MAML1: variants seen among roughly 807,000 people sequenced by gnomAD.
The protein encoded by MAML1 is mastermind-like protein 1.
A neutral mutation model predicts 77.1 loss-of-function variants in MAML1; 14 were observed. The observed-to-expected ratio is 0.18, with a 90% CI of 0.12 to 0.28. MAML1 has a LOEUF of 0.28. MAML1 is among the 10% of genes least tolerant of loss of function. MAML1 has a pLI of 1.00. For synonymous variants in MAML1, 516 were observed against 551.9 expected (o/e 0.93, Z 0.91); for missense variants, 1,217 against 1,327.8 (o/e 0.92, Z 1.30).
chr5:179,766,371 G>C lies in MAML1; in HGVS notation c.1361G>C (p.Ser454Thr). Residue 454 changes from serine to threonine, a missense_variant, in exon 2 of 5, where the codon AGC (serine) becomes ACC (threonine). This residue lies in a region of MAML1 where 884 missense variants were observed against 949.3 expected (regional missense o/e 0.93). Coordinates refer to ENST00000292599, the MANE Select transcript of MAML1 (RefSeq NM_014757.5). The surrounding 1 kb of genome is among the most constrained non-coding windows in gnomAD (Gnocchi z 4.0). ...ATGGAGAAGCCTGCCAGCCCTTCCAGCTACAAGCAAGACTTCACTAACTCC... is the reference window on the plus strand; with the variant it reads ...ATGGAGAAGCCTGCCAGCCCTTCCACCTACAAGCAAGACTTCACTAACTCC... ...YPMEKPASPS[S>T]YKQDFTNSKL... is the part of the protein sequence containing the mutation. 1 of 1,607,602 alleles carries C rather than the reference G, an allele frequency of 6.2e-7. No homozygotes were observed. Among genetic ancestry groups the C allele is most frequent in the Non-Finnish European group, 8.5e-7 (1 of 1,176,326 alleles).
chr5:179,750,663 G>T (rs1041354218), intron 1 of MAML1, among the ~76,000 whole-genome samples: 38 of 152,252 alleles, frequency 2.5e-4, no homozygotes, highest in African/African-American at 7.5e-4. Flanking sequence ...GTCTTGCCGT[G>T]TTCCCCAGGC....
Position 179,773,923 on chromosome 5 carries a change from C to A in MAML1, c.2097C>A (p.Asn699Lys), listed in dbSNP as rs1453267625. The change falls in exon 5 of 5, where the codon AAC becomes AAA. Residue 699 changes from asparagine to lysine, a missense_variant. Physicochemically the swap from Asn to Lys is moderately conservative, Grantham distance 94 (BLOSUM62 0). Transcript: ENST00000292599. ...CCTCTGCTGCCGTGCCCGGCATGAACACCTTGGGTCCATCCAACTCCAGCT... is the reference window on the plus strand; with the variant it reads ...CCTCTGCTGCCGTGCCCGGCATGAAAACCTTGGGTCCATCCAACTCCAGCT... ...TGSSAAVPGM[N>K]TLGPSNSSCP... is the part of the protein sequence containing the mutation. The A allele has an allele frequency of 6.2e-7, 1 of 1,613,778 alleles. No homozygotes were observed. Among genetic ancestry groups the A allele is most frequent in the Non-Finnish European group, 8.5e-7 (1 of 1,179,660 alleles).
At chr5:179,761,359 G>T (rs566431171) in intron 1 of MAML1, among the ~76,000 whole-genome samples, 5 of 151,972 alleles carry the variant, frequency 3.3e-5, no homozygotes, top group African/African-American at 1.2e-4. Context: ...ATCACCCATT[G>T]TACTCCAGCA....
In MAML1 at chr5:179,742,405, C is replaced by T. The variant is rs191113856; in HGVS notation, c.315+8978C>T. Among the ~76,000 whole-genome samples the T allele has an allele frequency of 3.5e-4, 53 of 151,848 alleles. No homozygotes were observed. In the East Asian group the frequency reaches 8.0e-3, roughly 23 times the overall value. ...TCAGGAGGCTGAGGCAGGGGAATCC[C>T]TAGAACCTGGGCACCGGAGGTTGCA... On this transcript the variant is annotated intron_variant, in intron 1 of 4. Transcript: ENST00000292599.
chr5:179,771,341 C>G lies in MAML1; in HGVS notation c.2068+98C>G. ...GCCCAGCTCTATGCCTTGACTTCAT[C>G]AGGCTGCATGCATTGTCATCATATA... On this transcript the variant is annotated intron_variant, in intron 4 of 4. Coordinates refer to ENST00000292599, the MANE Select transcript of MAML1 (RefSeq NM_014757.5). This position sits in a 1 kb window ranked among gnomAD's most constrained non-coding sequence, Gnocchi z 4.7. 9.8e-7 allele frequency: 1 copy of G among 1,020,224 alleles called. No individual in the cohort carries two copies. Among genetic ancestry groups the G allele is most frequent in the Non-Finnish European group, 1.5e-6 (1 of 654,990 alleles). The allele number at this position is 1,020,224 out of a possible 1,614,324, so 63.2% of individuals were successfully genotyped here. A position where few individuals can be genotyped will look rare whatever the true frequency, so the allele number is the denominator to read the frequency against.
chr5:179,761,695 C>CAAT (rs899705266), intron 1 of MAML1, among the ~76,000 whole-genome samples: 5 of 151,764 alleles, frequency 3.3e-5, no homozygotes, highest in Non-Finnish European at 7.4e-5. Context: ...AACTCCGTCT[C>CAAT]AATAATAATA....
rs1448916610 is a variant in MAML1 at position 179,775,156 on chromosome 5, G to A, written c.*279G>A. ...TCTAAAGGTGGTTTTCTATCCAAAC[G>A]ACCAAAAAACCAACAGTAACACCAG... On this transcript the variant is annotated 3_prime_UTR_variant, in exon 5 of 5. Coordinates refer to ENST00000292599, the MANE Select transcript of MAML1 (RefSeq NM_014757.5). 6 of 1,149,260 alleles carry A rather than the reference G, an allele frequency of 5.2e-6. No individual in the cohort carries two copies. Among genetic ancestry groups the A allele is most frequent in the Admixed American group, 8.8e-5 (2 of 22,758 alleles). 71.2% of individuals were successfully genotyped at this position (1,149,260 alleles called of 1,614,324 possible).
At chr5:179,752,736 T>G (rs1363065048) in intron 1 of MAML1, among the ~76,000 whole-genome samples, 1 of 151,058 alleles carries the variant, frequency 6.6e-6, no homozygotes, top group Admixed American at 6.6e-5. Context: ...CCTCTGGATA[T>G]TACTCTTTAT....
chr5:179,763,909 G>T (rs1300016159), intron 1 of MAML1, among the ~76,000 whole-genome samples: 1 of 151,628 alleles, frequency 6.6e-6, no homozygotes, highest in Non-Finnish European at 1.5e-5. Context: ...GGATGGTACT[G>T]GGGGTGGGGG....
intron 4 of MAML1, chr5:179,773,679 C>T (rs1184209562): frequency 1.1e-6 from 1 of 929,438 alleles, no homozygotes; most frequent in Non-Finnish European, 1.3e-6. Flanking sequence ...TTTTCTCTCC[C>T]CTGGGGCTTT....
chr5:179,743,595 A>C (rs1779324585), intron 1 of MAML1, among the ~76,000 whole-genome samples: 1 of 148,586 alleles, frequency 6.7e-6, no homozygotes, highest in Admixed American at 6.7e-5. Context: ...TCGATCTCCT[A>C]ACCTTGCGAT....
intron 1 of MAML1, among the ~76,000 whole-genome samples, chr5:179,735,993 T>G (rs1219238852): frequency 6.6e-6 from 1 of 151,914 alleles, no homozygotes; most frequent in African/African-American, 2.4e-5. Context: ...GCCTATGCTA[T>G]TTATTTTTAG....
chr5:179,761,829 G>T (rs1031393525), intron 1 of MAML1, among the ~76,000 whole-genome samples: 13 of 152,294 alleles, frequency 8.5e-5, no homozygotes, highest in Admixed American at 4.6e-4. Flanking sequence ...GCTGGCCTTG[G>T]AGAAAGCAGT....
chr5:179,757,500 G>A (rs1366571764), intron 1 of MAML1, among the ~76,000 whole-genome samples: 2 of 152,020 alleles, frequency 1.3e-5, no homozygotes, highest in Admixed American at 6.6e-5. Context: ...CCTGGGAGGC[G>A]GAGGTTGCAG....
chr5:179,748,519 T>C (rs1779425328), intron 1 of MAML1, among the ~76,000 whole-genome samples: 1 of 152,016 alleles, frequency 6.6e-6, no homozygotes, highest in African/African-American at 2.4e-5. Flanking sequence ...ATTATAAGAG[T>C]TGTTTAATAA....
chr5:179,774,578 GCAC>G lies in MAML1; in HGVS notation c.2757_2759del (p.Pro921del), dbSNP rs778611328. ...GCAGAGGACCAGCGCCCCTGCCCCA[GCAC>G]CACCCCCAACAGCCCCTCAGCAGGG... On this transcript the variant is annotated inframe_deletion, in exon 5 of 5. Transcript: ENST00000292599. 1 of 1,612,484 alleles carries G rather than the reference GCAC, an allele frequency of 6.2e-7. No individual in the cohort carries two copies.
intron 3 of MAML1, among the ~76,000 whole-genome samples, chr5:179,770,252 T>C (rs376183461): frequency 6.6e-6 from 1 of 151,996 alleles, no homozygotes; most frequent in African/African-American, 2.4e-5. Flanking sequence ...ATCAAGACCA[T>C]CCTGGCTAAC....
chr5:179,739,601 G>A (rs1015155434), intron 1 of MAML1, among the ~76,000 whole-genome samples: 1 of 152,198 alleles, frequency 6.6e-6, no homozygotes, highest in Non-Finnish European at 1.5e-5. Flanking sequence ...GGAGGATTGC[G>A]TGGGACCGGG....
chr5:179,753,651 A>ATTTTATTTT (rs372124056), intron 1 of MAML1, among the ~76,000 whole-genome samples: 1 of 66,384 alleles, frequency 1.5e-5, no homozygotes, highest in African/African-American at 6.5e-5. Context: ...TATTATTATT[A>ATTTTATTTT]TTATTTTTTT....
Sources: allele counts gnomAD v4.1 joint callset (sites outside exome capture counted in the v4.1 genomes callset), GRCh38; gene constraint gnomAD v4.1.1; regional missense constraint gnomAD v4.1.1; non-coding constraint Gnocchi (gnomAD v3.1); transcripts MANE v1.5; gene names NCBI Gene and HGNC (gene_info 2026-07-23, HGNC 2026-07-21).